FAM20C: variants seen among roughly 807,000 people sequenced by gnomAD.
FAM20C encodes FAM20C golgi associated secretory pathway kinase.
Under a neutral mutation model 51.5 loss-of-function variants are expected in FAM20C, and 40 were observed. The ratio of observed to expected loss-of-function variants is 0.78; its 90% CI spans 0.60 to 1.01. The LOEUF is 1.01. Ranked by LOEUF, FAM20C falls within the 50% of genes least tolerant of loss-of-function variation. The pLI is 0.00. For synonymous variants in FAM20C, 406 were observed against 380.6 expected, an observed-to-expected ratio of 1.07 and a Z score of -0.78; for missense variants, 861 against 844.7, an observed-to-expected ratio of 1.02 and a Z score of -0.24.
chr7:256,285 G>A (rs776470713), intron 6 of FAM20C: 84 of 592,654 alleles, frequency 1.4e-4, no homozygotes, highest in African/African-American at 6.1e-4. Flanking sequence ...GCCTCTCAGC[G>A]TTTGAGCTCT....
rs1788642390 is a variant in FAM20C, at chr7:257,745, TGGGGTGCTG to T, written c.1445+661_1445+669del. Among the ~76,000 whole-genome samples, 5 of 93,478 alleles carry T rather than the reference TGGGGTGCTG, an allele frequency of 5.3e-5. 1 individual carries two copies. The highest frequency in any genetic ancestry group is 6.7e-4 in the South Asian group (2 of 2,998). The allele number at this position is 93,478 out of a possible 152,430, so 61.3% of individuals were successfully genotyped here. A position where few individuals can be genotyped will look rare whatever the true frequency, so the allele number is the denominator to read the frequency against. On this transcript the variant is annotated intron_variant, in intron 8 of 9. Coordinates refer to ENST00000313766, the MANE Select transcript of FAM20C (RefSeq NM_020223.4). ...GGACAGGCGGGGTGGACCCACTGCC[TGGGGTGCTG>T]GAGATGGGCAGGGTGGACCCACTGC...
chr7:260,204 C>T lies in FAM20C; in HGVS notation c.*224C>T. ...AGGAAGCGCTGTCTGTGCTCACGGACAGAGGCGGCCGGCGCCGGAGGCATT... is the reference window on the plus strand; with the variant it reads ...AGGAAGCGCTGTCTGTGCTCACGGATAGAGGCGGCCGGCGCCGGAGGCATT... On this transcript the variant is annotated 3_prime_UTR_variant, in exon 10 of 10. Coordinates refer to ENST00000313766, the MANE Select transcript of FAM20C (RefSeq NM_020223.4). The T allele has an allele frequency of 1.8e-6, 1 of 559,712 alleles. No homozygotes were observed. Among genetic ancestry groups the T allele is most frequent in the Non-Finnish European group, 2.9e-6 (1 of 347,060 alleles). The allele number at this position is 559,712 out of a possible 1,614,324, so 34.7% of individuals were successfully genotyped here. A position where few individuals can be genotyped will look rare whatever the true frequency, so the allele number is the denominator to read the frequency against.
intron 3 of FAM20C, among the ~76,000 whole-genome samples, chr7:234,323 G>C (rs925568777): frequency 2.0e-5 from 3 of 152,266 alleles, no homozygotes; most frequent in Admixed American, 6.5e-5. Flanking sequence ...GTCGGGAGTT[G>C]TGAAGTCAGC....
At chr7:252,069 G>T (rs1353783195) in intron 5 of FAM20C, among the ~76,000 whole-genome samples, 1 of 151,986 alleles carries the variant, frequency 6.6e-6, no homozygotes, top group Non-Finnish European at 1.5e-5. Context: ...TCCTCTCCTA[G>T]AGAACAAAAT....
In FAM20C at chr7:192,653, C is replaced by T. The variant is rs1785611413; in HGVS notation, c.-547C>T. Among the ~76,000 whole-genome samples, 1 of 149,648 alleles carries T rather than the reference C, an allele frequency of 6.7e-6. No individual in the cohort carries two copies. Among genetic ancestry groups the T allele is most frequent in the Non-Finnish European group, 1.5e-5 (1 of 66,968 alleles). ...CCCGCCGGCCGCTCCCCGCGCCCAC[C>T]CCTTCCGCCCTTCGCCCCCCCCTTC... On this transcript the variant is annotated 5_prime_UTR_variant, in exon 1 of 10. Coordinates refer to ENST00000313766, the MANE Select transcript of FAM20C (RefSeq NM_020223.4).
intron 3 of FAM20C, among the ~76,000 whole-genome samples, chr7:220,277 C>A (rs1343096819): frequency 6.6e-6 from 1 of 152,200 alleles, no homozygotes; most frequent in Non-Finnish European, 1.5e-5. Context: ...GGCCCTTGAG[C>A]AGAGGCCAAG....
Position 234,100 on chromosome 7 carries a change from G to A in FAM20C, c.864-12315G>A, listed in dbSNP as rs961370367. Among the ~76,000 whole-genome samples, 301 of 152,314 alleles carry A rather than the reference G, an allele frequency of 2.0e-3. 1 individual carries two copies. Among genetic ancestry groups the A allele is most frequent in the African/African-American group, 7.0e-3 (289 of 41,568 alleles). The stretch of plus-strand genomic sequence containing the variant: ...CCCTGCCTTTCTGGTGCCCTTTGAG[G>A]CCCAGGGAGGCCGTCCCGGCAAGTG... On this transcript the variant is annotated intron_variant, in intron 3 of 9. Coordinates refer to ENST00000313766, the MANE Select transcript of FAM20C (RefSeq NM_020223.4).
chr7:193,227 C>G lies in FAM20C; in HGVS notation c.28C>G (p.Arg10Gly). MKMMLVRRF[R>G]VLILMVFLVA... Reference sequence around the variant, plus strand: ...GAAGATGATGCTGGTGCGCCGGTTCCGCGTGCTCATCCTGATGGTGTTCCT... The same window carrying G: ...GAAGATGATGCTGGTGCGCCGGTTCGGCGTGCTCATCCTGATGGTGTTCCT... Residue 10 changes from arginine to glycine, a missense_variant, in exon 1 of 10, where the codon CGC (arginine) becomes GGC (glycine). By Grantham distance (125) the Arg-to-Gly change is moderately radical. Transcript: ENST00000313766. 4 of 1,464,502 alleles carry G rather than the reference C, an allele frequency of 2.7e-6. No homozygotes were observed. Among genetic ancestry groups the G allele is most frequent in the Non-Finnish European group, 3.6e-6 (4 of 1,103,470 alleles). 90.7% of individuals were successfully genotyped at this position (1,464,502 alleles called of 1,614,324 possible). A position where few individuals can be genotyped will look rare whatever the true frequency, so the allele number is the denominator to read the frequency against.
chr7:211,100 C>CT (rs1177576156), intron 3 of FAM20C, among the ~76,000 whole-genome samples: 1 of 151,198 alleles, frequency 6.6e-6, no homozygotes, highest in African/African-American at 2.4e-5. Context: ...GCGACCTACC[C>CT]TCCGCCTCCC....
rs749450491 is a variant in FAM20C at position 193,717 on chromosome 7, C to A, written c.518C>A (p.Ala173Glu). 27 of 1,546,406 alleles carry A rather than the reference C, an allele frequency of 1.7e-5. No individual in the cohort carries two copies. The highest frequency in any genetic ancestry group is 2.4e-5 in the Non-Finnish European group (27 of 1,145,160). ...RLFEHPLYRVAVPPLTEEDVL... is the reference protein window; with the variant it reads ...RLFEHPLYRVEVPPLTEEDVL... ...TTCGAGCACCCGCTTTACCGGGTGG[C>A]GGTTCCGCCGCTCACGGAGGAGGAC... Residue 173 changes from alanine to glutamate, a missense_variant, in exon 1 of 10, where the codon GCG becomes GAG. By Grantham distance (107) the Ala-to-Glu change is moderately radical. Coordinates refer to ENST00000313766, the MANE Select transcript of FAM20C (RefSeq NM_020223.4).
chr7:203,454 G>A lies in FAM20C; in HGVS notation c.785-5444G>A, dbSNP rs143633387. Among the ~76,000 whole-genome samples, 8 of 152,336 alleles carry A rather than the reference G, an allele frequency of 5.3e-5. No homozygotes were observed. The East Asian group carries it at 5.8e-4, about 11-fold the overall frequency. ...CTGGGTGGGAGGGCAGGGGTGACCC[G>A]ATCAGTGACAGGAGGGTGGGCGTCT... On this transcript the variant is annotated intron_variant, in intron 2 of 9. Coordinates refer to ENST00000313766, the MANE Select transcript of FAM20C (RefSeq NM_020223.4).
At position 242,872 on chromosome 7, in the gene FAM20C, C is replaced by T. The variant is rs559513530; in HGVS notation, c.864-3543C>T. 7.2e-5 allele frequency among the ~76,000 whole-genome samples: 11 copies of T among 152,274 alleles called. No homozygotes were observed. The South Asian group carries it at 2.3e-3, about 32-fold the overall frequency. On this transcript the variant is annotated intron_variant, in intron 3 of 9. Coordinates refer to ENST00000313766, the MANE Select transcript of FAM20C (RefSeq NM_020223.4). ...ACACCAAGGGGCAGGCTCAGAGGGA[C>T]GTGGAGTGGCTGTGTGTCCAGGGGA...
intron 3 of FAM20C, among the ~76,000 whole-genome samples, chr7:223,501 G>T (rs902547861): frequency 6.6e-6 from 1 of 152,354 alleles, no homozygotes; most frequent in South Asian, 2.1e-4. Context: ...CACTGCAAAG[G>T]ATGCAGGAGG....
At chr7:220,727 C>T (rs932253462) in intron 3 of FAM20C, among the ~76,000 whole-genome samples, 6 of 152,156 alleles carry the variant, frequency 3.9e-5, no homozygotes, top group Admixed American at 2.6e-4. Context: ...GGAGGGAGGG[C>T]GGGACCCGTG....
chr7:216,619 A>ATGAGTGTGTGTGAGTGTGTG (rs776848675), intron 3 of FAM20C, among the ~76,000 whole-genome samples: 12 of 131,334 alleles, frequency 9.1e-5, no homozygotes, highest in Middle Eastern at 3.5e-3. Context: ...GTGTGTGTGT[A>ATGAGTGTGTGTGAGTGTGTG]TGAGTGTGTG....
intron 3 of FAM20C, among the ~76,000 whole-genome samples, chr7:223,044 C>T (rs1258850881): frequency 6.6e-6 from 1 of 151,692 alleles, no homozygotes; most frequent in African/African-American, 2.4e-5. Context: ...TATGTGAGGG[C>T]GTGTGTGTGC....
At chr7:208,116 C>T (rs1246393008) in intron 2 of FAM20C, among the ~76,000 whole-genome samples, 2 of 152,146 alleles carry the variant, frequency 1.3e-5, no homozygotes, top group Non-Finnish European at 1.5e-5. Context: ...GGTGCCACTC[C>T]CCGTTCTTAG....
rs1030369566 is a variant in FAM20C at position 236,211 on chromosome 7, C to T, written c.864-10204C>T. ...GAAGGGAGGCTGAGCGGCTCCTGGC[C>T]GAGGTGAGAGGCCGAGCGGCTCCTG... On this transcript the variant is annotated intron_variant, in intron 3 of 9. Transcript: ENST00000313766. Among the ~76,000 whole-genome samples the T allele has an allele frequency of 1.4e-4, 14 of 98,862 alleles. No individual in the cohort carries two copies. The South Asian group carries it at 3.0e-3, about 21-fold the overall frequency. The allele number at this position is 98,862 out of a possible 152,430, so 64.9% of individuals were successfully genotyped here.
rs1229316665 is a variant in FAM20C at position 256,774 on chromosome 7, C to T, written c.1363+11C>T. On this transcript the variant is annotated intron_variant, in intron 7 of 9. Transcript: ENST00000313766. ...TCGACTTCCTCATGGGTACGTCCCGCAGGGGCACGGGGTCCCCGTGTCACT... is the reference window on the plus strand; with the variant it reads ...TCGACTTCCTCATGGGTACGTCCCGTAGGGGCACGGGGTCCCCGTGTCACT... 1 of 1,534,554 alleles carries T rather than the reference C, an allele frequency of 6.5e-7. No homozygotes were observed. The highest frequency in any genetic ancestry group is 1.4e-5 in the African/African-American group (1 of 73,030).
Sources: gnomAD v4.1 joint callset for allele counts (sites outside exome capture counted in the v4.1 genomes callset) on GRCh38, gnomAD v4.1.1 for gene constraint, MANE v1.5 for transcripts, NCBI Gene and HGNC (gene_info 2026-07-23, HGNC 2026-07-21) for gene names.